Variants in NFXL1 observed in about 807,000 individuals in gnomAD.
NFXL1 encodes the protein NF-X1-type zinc finger protein NFXL1.
A neutral mutation model predicts 123.3 loss-of-function variants in NFXL1; 66 were observed. The ratio of observed to expected loss-of-function variants is 0.54; its 90% CI spans 0.44 to 0.66. The LOEUF (loss-of-function observed/expected upper bound fraction) is 0.66, where lower values mean the gene tolerates loss of function less well. Ranked by LOEUF, NFXL1 falls within the 30% of genes least tolerant of loss-of-function variation. NFXL1 has a pLI of 0.00. For synonymous variants in NFXL1, 346 were observed against 360.8 expected (o/e 0.96, Z 0.46); for missense variants, 944 against 1,125.6 (o/e 0.84, Z 2.31).
rs918280930 is a variant in NFXL1, at chr4:47,894,299, C to T, written c.1333G>A (p.Val445Met). ...RGPCETCRQEVEKHCRCGKHT... is the reference protein window; with the variant it reads ...RGPCETCRQEMEKHCRCGKHT... ...TTTCCACAGCGACAATGCTTTTCCA[C>T]TTCCTGGAAGAATAAAAGAAATGCT... Residue 445 changes from valine (V) to methionine (M), a missense_variant, in exon 11 of 23, where the codon GTG becomes ATG. Physicochemically the swap from Val to Met is conservative, Grantham distance 21. Coordinates refer to ENST00000507489, the MANE Select transcript of NFXL1 (RefSeq NM_001278624.2). 2 of 1,579,812 alleles carry T rather than the reference C, an allele frequency of 1.3e-6. No individual in the cohort carries two copies. The highest frequency in any genetic ancestry group is 2.7e-5 in the African/African-American group (2 of 73,604).
chr4:47,851,422 CTG>C (rs2110023645), intron 21 of NFXL1, among the ~76,000 whole-genome samples: 1 of 152,202 alleles, frequency 6.6e-6, no homozygotes, highest in African/African-American at 2.4e-5. Context: ...AGTTAAAACA[CTG>C]TAACAGCAAA....
chr4:47,885,730 A>C, intron 13 of NFXL1, 73 bp from the exon 14 acceptor site: 2 of 1,409,668 alleles, frequency 1.4e-6, no homozygotes, highest in Non-Finnish European at 2.0e-6. Context: ...ACAATTATCT[A>C]TTTACATATC....
rs777816823 is a variant in NFXL1 at position 47,898,010 on chromosome 4, T to C, written c.1161A>G (p.Glu387=). 1 of 1,612,528 alleles carries C rather than the reference T, an allele frequency of 6.2e-7. No homozygotes were observed. Among genetic ancestry groups the C allele is most frequent in the Admixed American group, 1.7e-5 (1 of 59,704 alleles). The change falls in exon 9 of 23, where the codon GAA becomes GAG. Residue 387 remains glutamate, a synonymous_variant. Transcript: ENST00000507489. ...EQVCHVGACG[E]CPRSGKRFCP... is the part of the protein sequence containing the mutation. ...AGAACCTTTTCCCAGATCGAGGACA[T>C]TCTCCACAAGCACCAACATGGCAAA...
intron 12 of NFXL1, among the ~76,000 whole-genome samples, chr4:47,887,633 C>T (rs987823236): frequency 4.6e-5 from 7 of 152,086 alleles, no homozygotes; most frequent in South Asian, 2.1e-4. Flanking sequence ...ATATTTAAGT[C>T]GGTTCTCATT....
chr4:47,869,177 A>C (rs1284611365), intron 18 of NFXL1, among the ~76,000 whole-genome samples: 1 of 152,192 alleles, frequency 6.6e-6, no homozygotes, highest in Non-Finnish European at 1.5e-5. Context: ...GTGAGCCATG[A>C]CCACACCACT....
rs898950677 is a variant in NFXL1 at position 47,914,525 on chromosome 4, G to C, written c.-163C>G. The C allele has an allele frequency of 1.5e-4, 45 of 294,272 alleles. No homozygotes were observed. Among genetic ancestry groups the C allele is most frequent in the African/African-American group, 9.5e-4 (44 of 46,328 alleles). The allele number at this position is 294,272 out of a possible 1,614,324, so 18.2% of individuals were successfully genotyped here. On this transcript the variant is annotated 5_prime_UTR_variant, in exon 1 of 23. Coordinates refer to ENST00000507489, the MANE Select transcript of NFXL1 (RefSeq NM_001278624.2). ...GCCTCCTCAGCCTCTGCGGGAGCGT[G>C]GTAGGGGAAGAGTCACAGACTGACC... is the stretch of plus-strand genomic sequence containing the variant.
At chr4:47,904,983 TATCAA>T (rs1398116277) in intron 4 of NFXL1, among the ~76,000 whole-genome samples, 1 of 152,234 alleles carries the variant, frequency 6.6e-6, no homozygotes, top group East Asian at 1.9e-4. Flanking sequence ...AAAAATGTTC[TATCAA>T]ATCAACATTT....
intron 19 of NFXL1, among the ~76,000 whole-genome samples, chr4:47,858,109 C>T (rs1407468794): frequency 6.6e-6 from 1 of 152,166 alleles, no homozygotes; most frequent in Non-Finnish European, 1.5e-5. Context: ...GCAAAAGTAA[C>T]ACCTCTAATC....
intron 5 of NFXL1, among the ~76,000 whole-genome samples, chr4:47,902,164 A>G (rs886761876): frequency 6.6e-6 from 1 of 152,180 alleles, no homozygotes; most frequent in Non-Finnish European, 1.5e-5. Flanking sequence ...CCTGGGCAAT[A>G]CAGCAAAACT....
chr4:47,875,274 T>G lies in NFXL1; in HGVS notation c.2099A>C (p.His700Pro). ...GKNKAGPECL[H>P]CEEGCSKSRP... is the part of the protein sequence containing the mutation. The stretch of plus-strand genomic sequence containing the variant: ...TGACTTGGAGCACCCTTCCTCACAA[T>G]GAAGGCATTCTGGGCCAGCCTGAAA... Residue 700 changes from histidine to proline, a missense_variant, in exon 18 of 23, where the codon CAT becomes CCT. Physicochemically the swap from His to Pro is moderately conservative, Grantham distance 77 (BLOSUM62 -2). Around this residue, in one of 4 missense-constraint regions of NFXL1, gnomAD observed 301 missense variants for 348.0 expected, o/e 0.86. Transcript: ENST00000507489. The G allele has an allele frequency of 6.2e-6, 10 of 1,611,962 alleles. No individual in the cohort carries two copies. Among genetic ancestry groups the G allele is most frequent in the Non-Finnish European group, 8.5e-6 (10 of 1,178,770 alleles).
In NFXL1 at chr4:47,914,051, G is replaced by C. The variant is rs1578048528; in HGVS notation, c.153C>G (p.Pro51=). The change falls in exon 2 of 23, where the codon CCC becomes CCG. Residue 51 remains proline, a synonymous_variant. Transcript: ENST00000507489. Reference sequence around the variant, plus strand: ...CAGCCGCCGTGGTCGCGACTCCTCCGGGACTGGTGCCAGAAGGAACTGCGC... The same window carrying C: ...CAGCCGCCGTGGTCGCGACTCCTCCCGGACTGGTGCCAGAAGGAACTGCGC... The part of the protein sequence containing the change: ...SVGAVPSGTS[P]GGVATTAAAG... 1.3e-6 allele frequency: 2 copies of C among 1,549,698 alleles called. No individual in the cohort carries two copies. Among genetic ancestry groups the C allele is most frequent in the Non-Finnish European group, 1.7e-6 (2 of 1,146,966 alleles).
At chr4:47,910,371 A>G (rs948727491) in intron 3 of NFXL1, among the ~76,000 whole-genome samples, 3 of 152,208 alleles carry the variant, frequency 2.0e-5, no homozygotes, top group Admixed American at 2.0e-4. Context: ...CATGAAAATC[A>G]GATGTTGTAA....
chr4:47,876,576 T>A (rs1319180097), intron 17 of NFXL1, among the ~76,000 whole-genome samples: 1 of 152,140 alleles, frequency 6.6e-6, no homozygotes, highest in Non-Finnish European at 1.5e-5. Context: ...TTACTGAGCC[T>A]TTACAGGCCA....
At position 47,914,191 on chromosome 4, in the gene NFXL1, AG is replaced by A. The variant is rs1737994588; in HGVS notation, c.12del (p.Trp5GlyfsTer76). On this transcript the variant is annotated frameshift_variant, in exon 2 of 23. Transcript: ENST00000507489. LOFTEE classifies it high-confidence loss of function. MEA[S>X]WRQVAGGRGR... Reference sequence around the variant, plus strand: ...CCTCGGCCACCGGCCACCTGGCGCCAGGAAGCTTCCATCCCTGCAAAGGAGA... The same window carrying A: ...CCTCGGCCACCGGCCACCTGGCGCCAGAAGCTTCCATCCCTGCAAAGGAGA... 6.6e-7 allele frequency: 1 copy of A among 1,517,266 alleles called. No individual in the cohort carries two copies. Among genetic ancestry groups the A allele is most frequent in the Non-Finnish European group, 8.8e-7 (1 of 1,130,978 alleles). The allele number at this position is 1,517,266 out of a possible 1,614,324, so 94.0% of individuals were successfully genotyped here.
chr4:47,851,182 T>G (rs1421647981), intron 21 of NFXL1, 34 bp from the exon 22 acceptor site: 2 of 1,489,256 alleles, frequency 1.3e-6, no homozygotes, highest in Non-Finnish European at 1.9e-6. Context: ...AATTTACAAT[T>G]TAGTCATCAC....
At chr4:47,875,624 A>G (rs916793869) in intron 17 of NFXL1, among the ~76,000 whole-genome samples, 1 of 152,170 alleles carries the variant, frequency 6.6e-6, no homozygotes, top group African/African-American at 2.4e-5. Flanking sequence ...ATCGTCAAAG[A>G]CAGAAATAAA....
chr4:47,884,891 C>T (rs1005201926), intron 14 of NFXL1, among the ~76,000 whole-genome samples: 3 of 152,098 alleles, frequency 2.0e-5, no homozygotes, highest in African/African-American at 4.8e-5. Flanking sequence ...CTTTGGGAGG[C>T]GGAGGCGGGC....
chr4:47,868,099 A>C (rs1735206639), intron 18 of NFXL1, among the ~76,000 whole-genome samples: 2 of 152,184 alleles, frequency 1.3e-5, no homozygotes, highest in Admixed American at 6.5e-5. Context: ...GTGGATCACG[A>C]GGTCAGGAGA....
chr4:47,850,998 G>T (rs1332202147), intron 22 of NFXL1, 97 bp downstream of exon 22: 1 of 870,526 alleles, frequency 1.1e-6, no homozygotes, highest in South Asian at 1.4e-5. Flanking sequence ...TCACAATAGA[G>T]ACTAGACCTT....
Sources: allele counts gnomAD v4.1 joint callset (sites outside exome capture counted in the v4.1 genomes callset), GRCh38; gene constraint gnomAD v4.1.1; regional missense constraint gnomAD v4.1.1; transcripts MANE v1.5; gene names NCBI Gene and HGNC (gene_info 2026-07-23, HGNC 2026-07-21).